CHLSN: variants seen among roughly 807,000 people sequenced by gnomAD.
The protein encoded by CHLSN is cholesin.
the CHLSN span, among the ~76,000 whole-genome samples, chr7:996,580 C>A: frequency 6.6e-6 from 1 of 152,234 alleles, no homozygotes; most frequent in Non-Finnish European, 1.5e-5. Flanking sequence ...CTCCCCGGGG[C>A]CCATCCTGGA....
At chr7:987,522 G>C in the CHLSN span, 1 of 1,525,106 alleles carries the variant, frequency 6.6e-7, no homozygotes, top group South Asian at 1.2e-5. Flanking sequence ...GCGGCTTCCT[G>C]CTCCCCAAGG....
chr7:984,863 G>A, the CHLSN span: 17 of 1,490,404 alleles, frequency 1.1e-5, no homozygotes, highest in South Asian at 1.8e-4. Flanking sequence ...TCGCTGCCCT[G>A]TCAGCCTGCT....
the CHLSN span, among the ~76,000 whole-genome samples, chr7:1,081,207 G>A: frequency 4.6e-5 from 7 of 152,250 alleles, no homozygotes; most frequent in Admixed American, 1.3e-4. Context: ...GCTGGGAGAC[G>A]GGCTTGGTGC....
the CHLSN span, chr7:1,092,573 A>G: frequency 6.2e-7 from 1 of 1,610,456 alleles, no homozygotes; most frequent in Non-Finnish European, 8.5e-7. Context: ...ATCAGCGTGC[A>G]CCTCCTGCAG....
At chr7:999,034 G>T in the CHLSN span, among the ~76,000 whole-genome samples, 1 of 152,160 alleles carries the variant, frequency 6.6e-6, no homozygotes, top group African/African-American at 2.4e-5. Flanking sequence ...ATGCACATTT[G>T]TGTGTTTGTA....
the CHLSN span, chr7:984,568 G>A: frequency 6.4e-7 from 1 of 1,560,900 alleles, no homozygotes; most frequent in Non-Finnish European, 8.6e-7. Flanking sequence ...CATCCAGCGA[G>A]GTGGAGGTCG....
the CHLSN span, chr7:1,058,040 G>T: frequency 1.3e-6 from 1 of 768,856 alleles, no homozygotes; most frequent in Non-Finnish European, 2.4e-6. Flanking sequence ...CCACCCGCGC[G>T]CTAGAGTGCG....
At chr7:1,067,220 C>A in the CHLSN span, among the ~76,000 whole-genome samples, 1 of 140,104 alleles carries the variant, frequency 7.1e-6, no homozygotes, top group African/African-American at 2.7e-5. Context: ...CTGGAGTGCA[C>A]CCCAGAAGTG....
the CHLSN span, among the ~76,000 whole-genome samples, chr7:1,110,003 CAGCGTGGGGAGGA>C: frequency 1.3e-5 from 2 of 152,224 alleles, no homozygotes; most frequent in Admixed American, 1.3e-4. Flanking sequence ...AGCCGGAGGG[CAGCGTGGGGAGGA>C]CACCAATGCC....
At chr7:1,019,155 T>C in the CHLSN span, among the ~76,000 whole-genome samples, 2 of 126,376 alleles carry the variant, frequency 1.6e-5, no homozygotes, top group South Asian at 2.5e-4. Flanking sequence ...GATCGCGCCA[T>C]TGCACTCCAG....
the CHLSN span, among the ~76,000 whole-genome samples, chr7:1,009,145 G>A: frequency 6.6e-6 from 1 of 151,972 alleles, no homozygotes; most frequent in African/African-American, 2.4e-5. Flanking sequence ...TCTCCGAGGA[G>A]GTCATCTCTC....
the CHLSN span, among the ~76,000 whole-genome samples, chr7:1,133,995 G>A: frequency 6.6e-6 from 1 of 152,012 alleles, no homozygotes; most frequent in Admixed American, 6.6e-5. Flanking sequence ...TGTGGGAATG[G>A]GGTTTCGCCA....
chr7:998,457 C>CTTT, the CHLSN span, among the ~76,000 whole-genome samples: 2,051 of 95,050 alleles, frequency 0.022, 73 homozygotes, highest in Non-Finnish European at 0.031. Context: ...GTCTTAGATT[C>CTTT]TTTTTTTTTT....
the CHLSN span, among the ~76,000 whole-genome samples, chr7:1,121,625 C>T: frequency 6.6e-6 from 1 of 152,274 alleles, no homozygotes; most frequent in African/African-American, 2.4e-5. Context: ...CCGCTGACCA[C>T]CACCTGTGCC....
the CHLSN span, among the ~76,000 whole-genome samples, chr7:1,095,326 T>C: frequency 8.6e-6 from 1 of 116,584 alleles, no homozygotes; most frequent in East Asian, 3.0e-4. Context: ...CCCAGGACAG[T>C]CACGCAGCAG....
chr7:1,021,471 C>G, the CHLSN span: 7 of 985,346 alleles, frequency 7.1e-6, no homozygotes, highest in African/African-American at 1.2e-4. Context: ...CAGTGGTGGC[C>G]ACCTGGGCTG....
At chr7:1,116,379 A>G in the CHLSN span, among the ~76,000 whole-genome samples, 2 of 138,798 alleles carry the variant, frequency 1.4e-5, no homozygotes, top group African/African-American at 2.8e-5. Flanking sequence ...GACAGCTTCC[A>G]TCACCGACGC....
At chr7:1,118,620 C>G in the CHLSN span, among the ~76,000 whole-genome samples, 1 of 151,792 alleles carries the variant, frequency 6.6e-6, no homozygotes, top group Admixed American at 6.6e-5. Context: ...TTCCAAAATT[C>G]ACACAAATAA....
At chr7:1,036,351 TCGGGTGCTCGTGGTGTGGCCGTG>T in the CHLSN span, among the ~76,000 whole-genome samples, 7 of 148,560 alleles carry the variant, frequency 4.7e-5, no homozygotes, top group East Asian at 2.0e-4. Context: ...CGTGCAGGGC[TCGGGTGCTCGTGGTGTGGCCGTG>T]CAGGGCTCGG....
Sources: allele counts gnomAD v4.1 joint callset (sites outside exome capture counted in the v4.1 genomes callset), GRCh38; gene constraint gnomAD v4.1.1; transcripts MANE v1.5; gene names NCBI Gene and HGNC (gene_info 2026-07-23, HGNC 2026-07-21).